Variants in ST6GAL2 observed in about 807,000 individuals in gnomAD.
ST6GAL2 encodes ST6 beta-galactoside alpha-2,6-sialyltransferase 2, also known as beta-galactoside alpha-2,6-sialyltransferase 2.
A neutral mutation model predicts 37.5 loss-of-function variants in ST6GAL2; 24 were observed. That is an observed-to-expected ratio of 0.64 (90% CI 0.46 to 0.90). ST6GAL2 has a LOEUF of 0.90. Ranked by LOEUF, ST6GAL2 falls within the 40% of genes least tolerant of loss-of-function variation. ST6GAL2 has a pLI of 0.00. For missense variants in ST6GAL2, 715 were observed against 712.7 expected, an observed-to-expected ratio of 1.00 and a Z score of -0.04; for synonymous variants, 306 against 295.1, an observed-to-expected ratio of 1.04 and a Z score of -0.38.
Position 106,884,938 on chromosome 2 carries a change from T to TATATATATATATAC in ST6GAL2, c.-58+1154_-58+1155insGTATATATATATAT, listed in dbSNP as rs1426798721. 4.4e-4 allele frequency among the ~76,000 whole-genome samples: 55 copies of TATATATATATATAC among 123,716 alleles called. 1 individual carries two copies. The highest frequency in any genetic ancestry group is 2.5e-3 in the South Asian group (10 of 3,968). 81.2% of individuals were successfully genotyped at this position (123,716 alleles called of 152,430 possible). ...ATATATATATATATATATATATACA[T>TATATATATATATAC]ACACACACACACATATATACATATG... On this transcript the variant is annotated intron_variant, in intron 1 of 5. Transcript: ENST00000409382.
chr2:106,808,432 G>T (rs1031709214), intron 5 of ST6GAL2, among the ~76,000 whole-genome samples: 6 of 152,196 alleles, frequency 3.9e-5, no homozygotes, highest in African/African-American at 1.4e-4. Flanking sequence ...CAAATTCTAT[G>T]CAGTCAAGTT....
At chr2:106,818,329 T>A (rs1675881984) in intron 5 of ST6GAL2, among the ~76,000 whole-genome samples, 1 of 152,108 alleles carries the variant, frequency 6.6e-6, no homozygotes, top group African/African-American at 2.4e-5. Context: ...GTCACAGAGG[T>A]GCTTTTGTCC....
intron 5 of ST6GAL2, among the ~76,000 whole-genome samples, chr2:106,817,854 A>T (rs1319277283): frequency 6.6e-6 from 1 of 152,146 alleles, no homozygotes; most frequent in Non-Finnish European, 1.5e-5. Context: ...CCTTGAAAGG[A>T]GAATCCCAGG....
intron 5 of ST6GAL2, among the ~76,000 whole-genome samples, chr2:106,816,029 T>C (rs1296252779): frequency 6.6e-6 from 1 of 152,192 alleles, no homozygotes; most frequent in African/African-American, 2.4e-5. Context: ...TGCTCAAGAT[T>C]TGGAAGGGTA....
At chr2:106,830,523 T>A (rs142803159) in intron 4 of ST6GAL2, among the ~76,000 whole-genome samples, 41 of 152,318 alleles carry the variant, frequency 2.7e-4, no homozygotes, top group Middle Eastern at 6.8e-3. Flanking sequence ...AAGGGCCAGA[T>A]AATCAACACC....
At chr2:106,822,084 C>G (rs1157495561) in intron 5 of ST6GAL2, among the ~76,000 whole-genome samples, 2 of 152,046 alleles carry the variant, frequency 1.3e-5, no homozygotes, top group African/African-American at 4.8e-5. Flanking sequence ...AACTTTTCCT[C>G]TAAGATCTGG....
Position 106,806,916 on chromosome 2 carries a change from A to C in ST6GAL2, c.1352T>G (p.Val451Gly). The C allele has an allele frequency of 1.9e-6, 3 of 1,613,684 alleles. No homozygotes were observed. The highest frequency in any genetic ancestry group is 2.5e-6 in the Non-Finnish European group (3 of 1,179,692). The change falls in exon 6 of 6, where the codon GTG becomes GGG. Residue 451 changes from valine to glycine, a missense_variant. This residue lies in a region of ST6GAL2 where 198 missense variants were observed against 203.6 expected (regional missense o/e 0.97). Transcript: ENST00000409382. ...ILIMMSMCREVHVYEYIPSVR... is the reference protein window; with the variant it reads ...ILIMMSMCREGHVYEYIPSVR... ...GGATGGGATATATTCATACACGTGCACCTCTCTGCACATGGACATCATTAT... is the reference window on the plus strand; with the variant it reads ...GGATGGGATATATTCATACACGTGCCCCTCTCTGCACATGGACATCATTAT...
At chr2:106,864,529 G>T (rs1426703106) in intron 1 of ST6GAL2, among the ~76,000 whole-genome samples, 1 of 152,152 alleles carries the variant, frequency 6.6e-6, no homozygotes, top group Non-Finnish European at 1.5e-5. Context: ...TCCCATTCGA[G>T]AAGGCAAAGA....
chr2:106,866,273 A>G (rs974535000), intron 1 of ST6GAL2, among the ~76,000 whole-genome samples: 2 of 152,184 alleles, frequency 1.3e-5, no homozygotes, highest in African/African-American at 4.8e-5. Context: ...GAAGAGCCAC[A>G]CTTGTTTTAA....
rs1675404853 is a variant in ST6GAL2, at chr2:106,806,061, T to C, written c.*617A>G. ...GATGGATGTTTTCTGGTTTTAGAAC[T>C]CTGTCTTGATGCACAGAAAGCAAAG... On this transcript the variant is annotated 3_prime_UTR_variant, in exon 6 of 6. Transcript: ENST00000409382. The C allele has an allele frequency of 6.6e-6, 1 of 152,432 alleles. No individual in the cohort carries two copies. The highest frequency in any genetic ancestry group is 1.5e-5 in the Non-Finnish European group (1 of 68,260). 9.4% of individuals were successfully genotyped at this position (152,432 alleles called of 1,614,324 possible).
intron 5 of ST6GAL2, among the ~76,000 whole-genome samples, chr2:106,824,025 A>G (rs1676108658): frequency 6.6e-6 from 1 of 152,214 alleles, no homozygotes; most frequent in African/African-American, 2.4e-5. Context: ...CAAGTCGACC[A>G]CACCAAATTG....
intron 1 of ST6GAL2, among the ~76,000 whole-genome samples, chr2:106,853,366 T>G (rs771635071): frequency 6.6e-6 from 1 of 152,258 alleles, no homozygotes; most frequent in African/African-American, 2.4e-5. Flanking sequence ...CTACAGGTGT[T>G]AGGCCCATGG....
At position 106,840,712 on chromosome 2, in the gene ST6GAL2, C is replaced by T. The variant is rs983973227; in HGVS notation, c.943+2323G>A. 6.6e-5 allele frequency among the ~76,000 whole-genome samples: 10 copies of T among 152,252 alleles called. No homozygotes were observed. The East Asian group carries it at 1.5e-3, about 24-fold the overall frequency. On this transcript the variant is annotated intron_variant, in intron 2 of 5. Transcript: ENST00000409382. ...TTTCCCAGAAACATGGACTTCTCAG[C>T]GTCTTTCACGTTCTCTTCCAAATTG...
intron 5 of ST6GAL2, among the ~76,000 whole-genome samples, chr2:106,816,342 T>C (rs13388451): frequency 0.22 from 33,933 of 152,096 alleles, 4,384 homozygotes; most frequent in East Asian, 0.49. Flanking sequence ...GCTAGTCAGG[T>C]TTTTACTGAA....
chr2:106,860,802 C>T (rs1677768403), intron 1 of ST6GAL2, among the ~76,000 whole-genome samples: 1 of 152,146 alleles, frequency 6.6e-6, no homozygotes, highest in South Asian at 2.1e-4. Flanking sequence ...CCTTCCCTCA[C>T]AAATGGTTTT....
At position 106,858,907 on chromosome 2, in the gene ST6GAL2, A is replaced by AAATGGGCCCCAAAGGGG. The variant is rs572376887; in HGVS notation, c.-57-14874_-57-14873insCCCCTTTGGGGCCCATT. ...TGTGCTCAGAATGGCAAGGGAGGACAGCCAGATGGGCCCCAAAAAAGGAAA... is the reference window on the plus strand; with the variant it reads ...TGTGCTCAGAATGGCAAGGGAGGACAAATGGGCCCCAAAGGGGGCCAGATGGGCCCCAAAAAAGGAAA... On this transcript the variant is annotated intron_variant, in intron 1 of 5. Transcript: ENST00000409382. Among the ~76,000 whole-genome samples the AAATGGGCCCCAAAGGGG allele has an allele frequency of 5.3e-4, 81 of 152,312 alleles. 4 individuals are homozygous for AAATGGGCCCCAAAGGGG. The East Asian group carries it at 0.015, about 29-fold the overall frequency.
intron 1 of ST6GAL2, among the ~76,000 whole-genome samples, chr2:106,846,700 A>G (rs1677157154): frequency 6.6e-6 from 1 of 152,202 alleles, no homozygotes; most frequent in Non-Finnish European, 1.5e-5. Context: ...AAGGCTATAG[A>G]TTTTATATAC....
In ST6GAL2 at chr2:106,843,735, G is replaced by A. The variant is rs540126919; in HGVS notation, c.243C>T (p.Pro81=). The change falls in exon 2 of 6, where the codon CCC becomes CCT. Residue 81 remains proline, a synonymous_variant. Coordinates refer to ENST00000409382, the MANE Select transcript of ST6GAL2 (RefSeq NM_001142351.2). ...PGGLDARQAL[P]RAHPAGSFHA... ...GAAAGGAACCGGCTGGGTGGGCGCGGGGCAGCGCCTGGCGTGCGTCCAGGC... is the reference window on the plus strand; with the variant it reads ...GAAAGGAACCGGCTGGGTGGGCGCGAGGCAGCGCCTGGCGTGCGTCCAGGC... The A allele has an allele frequency of 7.4e-6, 12 of 1,612,392 alleles. No homozygotes were observed. In the African/African-American group the frequency reaches 1.2e-4, roughly 16 times the overall value.
At chr2:106,842,735 C>T (rs1164209794) in intron 2 of ST6GAL2, among the ~76,000 whole-genome samples, 2 of 152,118 alleles carry the variant, frequency 1.3e-5, no homozygotes, top group Non-Finnish European at 2.9e-5. Flanking sequence ...CAAAGGGCGG[C>T]GCTTTCCTTC....
Sources: allele counts gnomAD v4.1 joint callset (sites outside exome capture counted in the v4.1 genomes callset), GRCh38; gene constraint gnomAD v4.1.1; regional missense constraint gnomAD v4.1.1; transcripts MANE v1.5; gene names NCBI Gene and HGNC (gene_info 2026-07-23, HGNC 2026-07-21).